The following OPLAH variants were observed in gnomAD, a reference collection of about 807,000 sequenced individuals.
OPLAH encodes 5-oxoprolinase, ATP-hydrolysing, also known as 5-oxoprolinase.
In OPLAH, 103 loss-of-function variants were observed where a neutral mutation model predicts 122.8. That is an observed-to-expected ratio of 0.84 (90% CI 0.71 to 0.99). OPLAH has a LOEUF of 0.99. Ranked by LOEUF, OPLAH falls within the 50% of genes least tolerant of loss-of-function variation. The pLI, the probability that OPLAH is intolerant of heterozygous loss-of-function variation, is 0.00. For synonymous variants in OPLAH, 875 were observed against 796.0 expected, an observed-to-expected ratio of 1.10 and a Z score of -1.67; for missense variants, 1,902 against 1,836.5, an observed-to-expected ratio of 1.04 and a Z score of -0.65.
In OPLAH at chr8:144,057,730, G is replaced by T. The variant is rs1564292574; in HGVS notation, c.1157-17C>A. On this transcript the variant is annotated splice_polypyrimidine_tract_variant and intron_variant, in intron 9 of 26. Transcript: ENST00000618853. ...CAGGGCCCCCTGGGAGGTGGACAGG[G>T]TGTGGGGCTTGGGGGCTGGAGGCAG... 1 of 1,610,618 alleles carries T rather than the reference G, an allele frequency of 6.2e-7. No homozygotes were observed. The highest frequency in any genetic ancestry group is 8.5e-7 in the Non-Finnish European group (1 of 1,178,624).
chr8:144,051,685 A>C, intron 26 of OPLAH, 44 bp downstream of exon 26: 2 of 888,782 alleles, frequency 2.3e-6, no homozygotes, highest in Non-Finnish European at 3.1e-6. Flanking sequence ...TGGGGCCGGG[A>C]GGGGAGGGGA....
In OPLAH at chr8:144,051,439, C is replaced by G; in HGVS notation, c.3754G>C (p.Gly1252Arg). The G allele has an allele frequency of 6.4e-7, 1 of 1,565,218 alleles. No homozygotes were observed. Among genetic ancestry groups the G allele is most frequent in the Non-Finnish European group, 8.6e-7 (1 of 1,162,014 alleles). The change falls in exon 27 of 27, where the codon GGC becomes CGC. Residue 1252 changes from glycine (G) to arginine (R), a missense_variant. This residue lies in a region of OPLAH where 1,726 missense variants were observed against 1,642.1 expected (regional missense o/e 1.05). Coordinates refer to ENST00000618853, the MANE Select transcript of OPLAH (RefSeq NM_017570.5). ...GCGGGGTCCTCCGGGTCCCCATAGC[C>G]ACCGCCGCCGGGCGTGTGGAGACAG... is the stretch of plus-strand genomic sequence containing the variant. Reference protein sequence around the residue: ...VFCLHTPGGGGYGDPEDPAPP... With the variant: ...VFCLHTPGGGRYGDPEDPAPP...
rs781936393 is a variant in OPLAH, at chr8:144,052,066, T to C, written c.3472A>G (p.Ile1158Val). The C allele has an allele frequency of 1.3e-6, 2 of 1,584,540 alleles. No individual in the cohort carries two copies. Among genetic ancestry groups the C allele is most frequent in the Non-Finnish European group, 1.7e-6 (2 of 1,172,962 alleles). ...CGCCGCAGCTCGAAGCGGCGCAGGA[T>C]GACCGGGTACCTGCGAGGGCGAGGA... The part of the protein sequence containing the change: ...PEILESRYPV[I>V]LRRFELRRGS... The change falls in exon 25 of 27, where the codon ATC becomes GTC. Residue 1158 changes from isoleucine (I) to valine (V), a missense_variant. By Grantham distance (29) the Ile-to-Val change is conservative (BLOSUM62 3). Transcript: ENST00000618853.
In OPLAH at chr8:144,053,095, C is replaced by T. The variant is rs782222600; in HGVS notation, c.2906G>A (p.Arg969His). 5.5e-5 allele frequency: 89 copies of T among 1,606,090 alleles called. No individual in the cohort carries two copies. Among genetic ancestry groups the T allele is most frequent in the East Asian group, 1.4e-4 (6 of 44,444 alleles). ...GGCCTGCCGGGAGGTTCCAAAGGCA[C>T]GCAACATGTCTCGCACGGCCAGCTC... Reference protein sequence around the residue: ...NAELAVRDMLRAFGTSRQARG... With the variant: ...NAELAVRDMLHAFGTSRQARG... The change falls in exon 21 of 27, where the codon CGT becomes CAT. Residue 969 changes from arginine (R) to histidine (H), a missense_variant. By Grantham distance (29) the Arg-to-His change is conservative. Coordinates refer to ENST00000618853, the MANE Select transcript of OPLAH (RefSeq NM_017570.5).
At chr8:144,052,635 T>G in intron 22 of OPLAH, 37 bp from the exon 23 acceptor site, 1 of 1,562,826 alleles carries the variant, frequency 6.4e-7, no homozygotes, top group Non-Finnish European at 8.6e-7. Flanking sequence ...GCTCTTGGGG[T>G]GGGCTCCGGG....
At chr8:144,056,331 C>A (rs1397507712) in intron 14 of OPLAH, 54 bp downstream of exon 14, 1 of 1,595,178 alleles carries the variant, frequency 6.3e-7, no homozygotes, top group African/African-American at 1.3e-5. Context: ...GGGCTTGGTC[C>A]CCATCCCGGT....
At chr8:144,061,515 C>CA (rs1478362818), upstream of OPLAH, among the ~76,000 whole-genome samples, 12 of 145,244 alleles carry the variant, frequency 8.3e-5, 1 homozygote, top group South Asian at 8.9e-4. Context: ...GACTCCGTCT[C>CA]AAAAAAAAGA....
Position 144,059,769 on chromosome 8 carries a change from G to A in OPLAH, c.193C>T (p.Arg65Trp), listed in dbSNP as rs782494513. The change falls in exon 3 of 27, where the codon CGG (arginine) becomes TGG (tryptophan). Residue 65 changes from arginine (R) to tryptophan (W), a missense_variant. By Grantham distance (101) the Arg-to-Trp change is moderately radical. Transcript: ENST00000618853. ...LEQEAGMLLP[R>W]DQPLDSSHIA... is the part of the protein sequence containing the mutation. ...TGACTGGAGTCCAGCGGCTGGTCCC[G>A]GGGCAGGAGCATGCCGGCCTCCTGG... The A allele has an allele frequency of 7.5e-6, 12 of 1,608,142 alleles. No homozygotes were observed. The highest frequency in any genetic ancestry group is 2.2e-5 in the East Asian group (1 of 44,822).
chr8:144,055,183 A>C lies in OPLAH; in HGVS notation c.2255T>G (p.Met752Arg). 6.5e-7 allele frequency: 1 copy of C among 1,535,698 alleles called. No individual in the cohort carries two copies. Among genetic ancestry groups the C allele is most frequent in the South Asian group, 1.3e-5 (1 of 77,644 alleles). The part of the protein sequence containing the change: ...SHRFMSIAEQ[M>R]GRILQRTAIS... ...GGCTGTGCGCTGCAGGATGCGGCCC[A>C]TCTGCTCTAGGAGCACAAAGTGACC... Residue 752 changes from methionine (M) to arginine (R), a missense_variant, in exon 17 of 27, where the codon ATG becomes AGG. This residue lies in a region of OPLAH where 1,726 missense variants were observed against 1,642.1 expected (regional missense o/e 1.05). Coordinates refer to ENST00000618853, the MANE Select transcript of OPLAH (RefSeq NM_017570.5). The surrounding 1 kb of genome is among the most constrained non-coding windows in gnomAD (Gnocchi z 6.5).
Position 144,057,943 on chromosome 8 carries a change from G to A in OPLAH, c.1089-20C>T. 6.2e-7 allele frequency: 1 copy of A among 1,611,980 alleles called. No homozygotes were observed. The highest frequency in any genetic ancestry group is 8.5e-7 in the Non-Finnish European group (1 of 1,179,560). ...CCAGACCTAGGGGAAGGAAGGGCTG[G>A]GGTTGGAGTTGGACACGAGGAGGGA... On this transcript the variant is annotated intron_variant, in intron 8 of 26. Coordinates refer to ENST00000618853, the MANE Select transcript of OPLAH (RefSeq NM_017570.5).
chr8:144,050,882 C>T (rs1835356400), downstream of OPLAH: 1 of 997,830 alleles, frequency 1.0e-6, no homozygotes, highest in Non-Finnish European at 1.2e-6. Flanking sequence ...TGGATGTAGG[C>T]ACTGCCCGCC....
intron 12 of OPLAH, 84 bp from the exon 13 acceptor site, chr8:144,056,839 T>C: frequency 2.0e-6 from 3 of 1,522,346 alleles, no homozygotes; most frequent in Admixed American, 2.0e-5. Flanking sequence ...ACACCTGTTC[T>C]GCTTCTCGCA....
At position 144,052,051 on chromosome 8, in the gene OPLAH, C is replaced by T; in HGVS notation, c.3487G>A (p.Glu1163Lys). 6.3e-7 allele frequency: 1 copy of T among 1,588,338 alleles called. No individual in the cohort carries two copies. Among genetic ancestry groups the T allele is most frequent in the Middle Eastern group, 1.7e-4 (1 of 6,000 alleles). Residue 1163 changes from glutamate (E) to lysine (K), a missense_variant, in exon 25 of 27, where the codon GAG becomes AAG. Coordinates refer to ENST00000618853, the MANE Select transcript of OPLAH (RefSeq NM_017570.5). ...SRYPVILRRF[E>K]LRRGSGGRGR... The stretch of plus-strand genomic sequence containing the variant: ...CTGCCCCCCGAGCCCCGCCGCAGCT[C>T]GAAGCGGCGCAGGATGACCGGGTAC...
At position 144,058,759 on chromosome 8, in the gene OPLAH, C is replaced by T. The variant is rs782092714; in HGVS notation, c.587+14G>A. ...GGCACCTGCTCCCGCAGCCCACAGC[C>T]CCACCTCACTCACGTGTACGAGTGC... On this transcript the variant is annotated intron_variant, in intron 5 of 26. Coordinates refer to ENST00000618853, the MANE Select transcript of OPLAH (RefSeq NM_017570.5). 37 of 1,589,098 alleles carry T rather than the reference C, an allele frequency of 2.3e-5. No individual in the cohort carries two copies. Among genetic ancestry groups the T allele is most frequent in the Non-Finnish European group, 3.1e-5 (36 of 1,164,480 alleles).
upstream of OPLAH, among the ~76,000 whole-genome samples, chr8:144,063,405 G>A (rs1030463409): frequency 5.3e-5 from 8 of 152,232 alleles, no homozygotes; most frequent in Non-Finnish European, 2.9e-5. The surrounding 1 kb of genome is among the most constrained non-coding windows in gnomAD (Gnocchi z 4.2). Flanking sequence ...AGAGCGCAGG[G>A]CTGGGAGGAC....
intron 19 of OPLAH, 89 bp downstream of exon 19, chr8:144,054,472 T>TGC: frequency 7.3e-7 from 1 of 1,376,810 alleles, no homozygotes; most frequent in Non-Finnish European, 9.8e-7. Flanking sequence ...GCCTATGGGC[T>TGC]GCATCCCACG....
At chr8:144,051,245 G>T, downstream of OPLAH, 2 of 1,584,118 alleles carry the variant, frequency 1.3e-6, no homozygotes, top group East Asian at 2.3e-5. Context: ...GGCGCGCACA[G>T]ACACGACTCG....
chr8:144,051,773 T>G lies in OPLAH; in HGVS notation c.3676A>C (p.Thr1226Pro). Residue 1226 changes from threonine to proline, a missense_variant, in exon 26 of 27, where the codon ACG becomes CCG. Coordinates refer to ENST00000618853, the MANE Select transcript of OPLAH (RefSeq NM_017570.5). ...LNLLIRKNGR[T>P]VNLGGKTSVT... ...GACGTCTTGCCGCCCAGATTCACCG[T>G]CCGGCCGTTTTTGCGGATCAGCAGG... is the stretch of plus-strand genomic sequence containing the variant. 6.2e-7 allele frequency: 1 copy of G among 1,606,004 alleles called. No individual in the cohort carries two copies. The highest frequency in any genetic ancestry group is 1.1e-5 in the South Asian group (1 of 90,174).
chr8:144,062,768 C>T (rs1835684437), upstream of OPLAH, among the ~76,000 whole-genome samples: 1 of 151,902 alleles, frequency 6.6e-6, no homozygotes, highest in Admixed American at 6.6e-5. Flanking sequence ...CCCAGCCACC[C>T]CCTCGCCTCT....
Sources: gnomAD v4.1 joint callset for allele counts (sites outside exome capture counted in the v4.1 genomes callset) on GRCh38, gnomAD v4.1.1 for gene constraint, gnomAD v4.1.1 regional missense constraint, Gnocchi (gnomAD v3.1) non-coding constraint, MANE v1.5 for transcripts, NCBI Gene and HGNC (gene_info 2026-07-23, HGNC 2026-07-21) for gene names.